DDX60L: variants seen among roughly 807,000 people sequenced by gnomAD.
DDX60L encodes the protein probable ATP-dependent RNA helicase DDX60-like.
Under a neutral mutation model 211.6 loss-of-function variants are expected in DDX60L, and 191 were observed. The ratio of observed to expected loss-of-function variants is 0.90; its 90% confidence interval spans 0.80 to 1.02. DDX60L has a LOEUF of 1.02. DDX60L is among the 50% of genes least tolerant of loss of function. The pLI is 0.00. For missense variants in DDX60L, 2,007 were observed against 1,984.1 expected (o/e 1.01, Z -0.22); for synonymous variants, 706 against 694.1 (o/e 1.02, Z -0.27).
At chr4:168,361,378 A>G (rs1739086661) in intron 36 of DDX60L, 167 bp from the exon 37 acceptor site, 1 of 501,074 alleles carries the variant, frequency 2.0e-6, no homozygotes, top group South Asian at 3.3e-5. Context: ...AGGCATAGGT[A>G]AAAACCACAA....
Position 168,429,753 on chromosome 4 carries a change from AC to A in DDX60L, c.1677+724del. Among the ~76,000 whole-genome samples, 3 of 152,306 alleles carry A rather than the reference AC, an allele frequency of 2.0e-5. No homozygotes were observed. The Middle Eastern group carries it at 0.01, about 518-fold the overall frequency. ...GGAGGGGGTTTCCGATAAATGGTTA[AC>A]ACCATCCCACTTGGTGCTGTTCTCA... On this transcript the variant is annotated intron_variant, in intron 13 of 37. Coordinates refer to ENST00000682922, the MANE Select transcript of DDX60L (RefSeq NM_001012967.3).
At chr4:168,373,329 G>C (rs1330879513) in intron 35 of DDX60L, among the ~76,000 whole-genome samples, 1 of 152,042 alleles carries the variant, frequency 6.6e-6, no homozygotes, top group Non-Finnish European at 1.5e-5. Flanking sequence ...ATGTGGTCTG[G>C]AGTAGAAAAG....
chr4:168,479,317 C>A (rs1457795805), intron 1 of DDX60L, among the ~76,000 whole-genome samples: 2 of 152,210 alleles, frequency 1.3e-5, no homozygotes, highest in Admixed American at 6.5e-5. Flanking sequence ...CAACTCTCAG[C>A]ACCTGAGTTC....
rs769417927 is a variant in DDX60L, at chr4:168,379,723, T to C, written c.4221+3A>G. ...AGAACAAAAAGCCAAAGCACGATGA[T>C]ACCTCTTTGATAAGGAGCTGCAAGG... On this transcript the variant is annotated splice_donor_region_variant and intron_variant, in intron 31 of 37. Transcript: ENST00000682922. The C allele has an allele frequency of 5.0e-6, 8 of 1,609,794 alleles. No homozygotes were observed. The highest frequency in any genetic ancestry group is 6.8e-6 in the Non-Finnish European group (8 of 1,176,754).
chr4:168,359,487 T>C (rs1738734319), intron 37 of DDX60L, among the ~76,000 whole-genome samples: 1 of 152,222 alleles, frequency 6.6e-6, no homozygotes, highest in South Asian at 2.1e-4. Flanking sequence ...CTCTTAAATA[T>C]TTCTCCAATC....
intron 34 of DDX60L, 72 bp downstream of exon 34, chr4:168,375,303 AAT>A (rs1337877961): frequency 6.7e-7 from 1 of 1,483,864 alleles, no homozygotes; most frequent in Non-Finnish European, 9.2e-7. Context: ...TGAAGCATCC[AAT>A]ATCCAGAGGC....
chr4:168,364,534 T>C (rs1360422605), intron 36 of DDX60L, among the ~76,000 whole-genome samples: 2 of 152,176 alleles, frequency 1.3e-5, no homozygotes, highest in South Asian at 2.1e-4. Context: ...AACTGCACCA[T>C]AGACCAAATT....
At chr4:168,387,896 C>T (rs57066751) in intron 29 of DDX60L, among the ~76,000 whole-genome samples, 15,089 of 152,168 alleles carry the variant, frequency 0.099, 1,095 homozygotes, top group Admixed American at 0.14. Flanking sequence ...ATTCTGGAGA[C>T]AGTGAAGGAA....
chr4:168,425,645 C>T (rs921236478), intron 14 of DDX60L, among the ~76,000 whole-genome samples: 27 of 152,096 alleles, frequency 1.8e-4, no homozygotes, highest in African/African-American at 6.5e-4. Flanking sequence ...GCCTGTAATC[C>T]CAGCTACTCA....
intron 22 of DDX60L, among the ~76,000 whole-genome samples, chr4:168,411,196 C>A (rs538533763): frequency 3.2e-4 from 48 of 152,180 alleles, no homozygotes; most frequent in Non-Finnish European, 5.7e-4. Context: ...TGAGAATCAG[C>A]CCCTACAGGA....
At chr4:168,366,520 A>G (rs1253102584) in intron 36 of DDX60L, among the ~76,000 whole-genome samples, 2 of 152,136 alleles carry the variant, frequency 1.3e-5, no homozygotes, top group Non-Finnish European at 2.9e-5. Flanking sequence ...CGTTCAGGGA[A>G]TGAAAAAAAT....
chr4:168,459,046 A>T (rs539038077), intron 5 of DDX60L, among the ~76,000 whole-genome samples: 2 of 152,320 alleles, frequency 1.3e-5, no homozygotes, highest in South Asian at 4.1e-4. Context: ...AATCCTGAAC[A>T]ATTATCAACA....
At chr4:168,396,356 T>C in intron 26 of DDX60L, among the ~76,000 whole-genome samples, 1 of 152,068 alleles carries the variant, frequency 6.6e-6, no homozygotes, top group African/African-American at 2.4e-5. Flanking sequence ...GCATAATTTC[T>C]CCTCCTTCAC....
At chr4:168,404,300 G>A (rs1747361170) in intron 24 of DDX60L, among the ~76,000 whole-genome samples, 194 bp from the exon 25 acceptor site, 1 of 151,658 alleles carries the variant, frequency 6.6e-6, no homozygotes, top group African/African-American at 2.4e-5. Context: ...CTATACTAAA[G>A]AATAGATAAT....
intron 36 of DDX60L, among the ~76,000 whole-genome samples, chr4:168,365,074 A>G (rs1291520041): frequency 6.6e-6 from 1 of 152,196 alleles, no homozygotes; most frequent in Non-Finnish European, 1.5e-5. Context: ...AAATCAAAAA[A>G]GAAGAAACAT....
At chr4:168,387,675 C>A (rs1048043623) in intron 29 of DDX60L, among the ~76,000 whole-genome samples, 2 of 152,184 alleles carry the variant, frequency 1.3e-5, no homozygotes, top group African/African-American at 4.8e-5. Flanking sequence ...ATACAGAAAT[C>A]TGAGGACACC....
intron 4 of DDX60L, among the ~76,000 whole-genome samples, chr4:168,467,005 C>A (rs1157595838): frequency 6.6e-6 from 1 of 152,098 alleles, no homozygotes; most frequent in Non-Finnish European, 1.5e-5. Flanking sequence ...TTGCAGTGTT[C>A]TTCTTTTCCT....
At position 168,384,561 on chromosome 4, in the gene DDX60L, G is replaced by C. The variant is rs1579288178; in HGVS notation, c.4116+51C>G. On this transcript the variant is annotated intron_variant, in intron 30 of 37. Coordinates refer to ENST00000682922, the MANE Select transcript of DDX60L (RefSeq NM_001012967.3). The stretch of plus-strand genomic sequence containing the variant: ...TCTAAAAGAGCAGCAGACCTGACTA[G>C]AGCCAGGCCAGTGATGAAGACTGAA... 12 of 1,605,614 alleles carry C rather than the reference G, an allele frequency of 7.5e-6. No homozygotes were observed. In the East Asian group the frequency reaches 1.8e-4, roughly 24 times the overall value.
At chr4:168,478,681 AT>A (rs1759951213) in intron 1 of DDX60L, among the ~76,000 whole-genome samples, 1 of 152,206 alleles carries the variant, frequency 6.6e-6, no homozygotes, top group African/African-American at 2.4e-5. Flanking sequence ...CCTGAGAAGA[AT>A]TTTTAAAAAT....
Sources: gnomAD v4.1 joint callset for allele counts (sites outside exome capture counted in the v4.1 genomes callset) on GRCh38, gnomAD v4.1.1 for gene constraint, MANE v1.5 for transcripts, NCBI Gene and HGNC (gene_info 2026-07-23, HGNC 2026-07-21) for gene names.